The following NOL9 variants were observed in gnomAD, a reference collection of about 807,000 sequenced individuals.
NOL9 encodes polynucleotide 5'-hydroxyl-kinase NOL9.
A neutral mutation model predicts 67.9 loss-of-function variants in NOL9; 28 were observed. The observed-to-expected ratio is 0.41, with a 90% CI of 0.31 to 0.57. NOL9 has a LOEUF of 0.57. NOL9 is among the 20% of genes least tolerant of loss of function. The pLI is 0.25. For synonymous variants in NOL9, 356 were observed against 352.2 expected, an observed-to-expected ratio of 1.01 and a Z score of -0.12; for missense variants, 777 against 897.0, an observed-to-expected ratio of 0.87 and a Z score of 1.71.
intron 1 of NOL9, among the ~76,000 whole-genome samples, chr1:6,552,505 C>T (rs968212825): frequency 1.3e-5 from 2 of 152,144 alleles, no homozygotes; most frequent in Non-Finnish European, 2.9e-5. Flanking sequence ...TTACCACAAC[C>T]TCCACCTCCC....
intron 6 of NOL9, among the ~76,000 whole-genome samples, chr1:6,537,851 G>A (rs891704370): frequency 2.0e-5 from 3 of 151,752 alleles, no homozygotes; most frequent in South Asian, 2.1e-4. Flanking sequence ...GGCTGGGTGC[G>A]GTGGCTCACA....
intron 3 of NOL9, among the ~76,000 whole-genome samples, chr1:6,545,919 C>CACAAAAAAA (rs780815135): frequency 1.7e-5 from 1 of 59,662 alleles, no homozygotes; most frequent in Non-Finnish European, 3.0e-5. Flanking sequence ...GTCTGTGTCT[C>CACAAAAAAA]AAAAAAAAAA....
rs960646427 is a variant in NOL9 at position 6,526,918 on chromosome 1, T to C, written c.1826-89A>G. 2.8e-6 allele frequency: 4 copies of C among 1,430,964 alleles called. No homozygotes were observed. In the African/African-American group the frequency reaches 5.7e-5, roughly 20 times the overall value. 88.6% of individuals were successfully genotyped at this position (1,430,964 alleles called of 1,614,324 possible). A position where few individuals can be genotyped will look rare whatever the true frequency, so the allele number is the denominator to read the frequency against. On this transcript the variant is annotated intron_variant, in intron 10 of 11. Transcript: ENST00000377705. ...AGAAACTGCAGAATGGTTTTGAACATAAGTCTTTATATCAACTCTGTTTTG... is the reference window on the plus strand; with the variant it reads ...AGAAACTGCAGAATGGTTTTGAACACAAGTCTTTATATCAACTCTGTTTTG...
chr1:6,532,250 C>G (rs913358175), intron 8 of NOL9, 171 bp from the exon 9 acceptor site: 2 of 723,446 alleles, frequency 2.8e-6, no homozygotes, highest in Non-Finnish European at 4.6e-6. Context: ...TCCTTTAAGT[C>G]AAAGTTGCTG....
chr1:6,524,253 A>ATG lies in NOL9; in HGVS notation c.*1600_*1601insCA, dbSNP rs762967493. 5 of 148,894 alleles carry ATG rather than the reference A, an allele frequency of 3.4e-5. No homozygotes were observed. Among genetic ancestry groups the ATG allele is most frequent in the South Asian group, 2.1e-4 (1 of 4,782 alleles). The allele number at this position is 148,894 out of a possible 1,614,324, so 9.2% of individuals were successfully genotyped here. On this transcript the variant is annotated 3_prime_UTR_variant, in exon 12 of 12. Transcript: ENST00000377705. Reference sequence around the variant, plus strand: ...AAAGACAATGATAACCAACAGTTGTATAAGTGTATATAAGTGTTAAAACCC... The same window carrying ATG: ...AAAGACAATGATAACCAACAGTTGTATGTAAGTGTATATAAGTGTTAAAACCC...
chr1:6,545,360 C>T (rs1427491459), intron 3 of NOL9, among the ~76,000 whole-genome samples, 180 bp from the exon 4 acceptor site: 2 of 152,168 alleles, frequency 1.3e-5, no homozygotes, highest in Admixed American at 1.3e-4. Flanking sequence ...AAGTTATCCA[C>T]GTCTATTTTC....
At chr1:6,552,146 G>T (rs947088653) in intron 1 of NOL9, among the ~76,000 whole-genome samples, 1 of 152,176 alleles carries the variant, frequency 6.6e-6, no homozygotes, top group African/African-American at 2.4e-5. Context: ...GAGCCTGTGG[G>T]GGTCTGGGGA....
At chr1:6,546,975 G>A (rs1028392270) in intron 3 of NOL9, among the ~76,000 whole-genome samples, 1 of 152,138 alleles carries the variant, frequency 6.6e-6, no homozygotes, top group African/African-American at 2.4e-5. Context: ...CTGACCACCA[G>A]CAGCTTTCGC....
chr1:6,550,233 A>G (rs1001457405), intron 2 of NOL9, among the ~76,000 whole-genome samples, 163 bp downstream of exon 2: 1 of 152,076 alleles, frequency 6.6e-6, no homozygotes, highest in Non-Finnish European at 1.5e-5. Flanking sequence ...GGGTTTCACC[A>G]TCTTAGCCAG....
In NOL9 at chr1:6,522,915, C is replaced by T. The variant is rs1042172610; in HGVS notation, c.*2939G>A. On this transcript the variant is annotated 3_prime_UTR_variant, in exon 12 of 12. Transcript: ENST00000377705. ...AAAAAAAAAAAAGAAATTGCTTCAG[C>T]ACTTTGGGAGGCCGAGGCAAGCGGA... 7.2e-6 allele frequency: 1 copy of T among 138,196 alleles called. No homozygotes were observed. Among genetic ancestry groups the T allele is most frequent in the Non-Finnish European group, 1.5e-5 (1 of 65,344 alleles). 8.6% of individuals were successfully genotyped at this position (138,196 alleles called of 1,614,324 possible).
rs1396783863 is a variant in NOL9, at chr1:6,544,861, T to C, written c.942A>G (p.Thr314=). Residue 314 remains threonine, a synonymous_variant, in exon 5 of 12, where the codon ACA becomes ACG. Transcript: ENST00000377705. The stretch of plus-strand genomic sequence containing the variant: ...AATGGTTAATCAGGTATCTATTAAA[T>C]GTTGACTTTCCAACATCCTGGGATC... ...VCGSQDVGKS[T]FNRYLINHLL... 6.2e-7 allele frequency: 1 copy of C among 1,614,250 alleles called. No homozygotes were observed. The highest frequency in any genetic ancestry group is 2.2e-5 in the East Asian group (1 of 44,888).
rs139904136 is a variant in NOL9, at chr1:6,550,794, C to T, written c.397-179G>A. On this transcript the variant is annotated intron_variant, in intron 1 of 11. Coordinates refer to ENST00000377705, the MANE Select transcript of NOL9 (RefSeq NM_024654.5). ...CACCTCCCAGGTTCAAGCAATTCTC[C>T]TGCCTCACCCTCCCTAGTAGCTGGG... Among the ~76,000 whole-genome samples, 1,046 of 151,776 alleles carry T rather than the reference C, an allele frequency of 6.9e-3. 8 individuals are homozygous for T. Among genetic ancestry groups the T allele is most frequent in the African/African-American group, 0.023 (949 of 41,392 alleles).
At chr1:6,549,536 T>A (rs756222633) in intron 3 of NOL9, 35 bp downstream of exon 3, 2 of 1,608,680 alleles carry the variant, frequency 1.2e-6, no homozygotes, top group East Asian at 2.2e-5. Context: ...TTGGTGCAAG[T>A]AATTAGCAAA....
chr1:6,529,663 C>T (rs528201287), intron 9 of NOL9, among the ~76,000 whole-genome samples: 4 of 152,190 alleles, frequency 2.6e-5, no homozygotes, highest in East Asian at 3.9e-4. Flanking sequence ...CAGTGGCTCA[C>T]GCCTGTAATC....
intron 6 of NOL9, among the ~76,000 whole-genome samples, chr1:6,533,890 CT>C (rs571588894): frequency 4.7e-3 from 670 of 141,424 alleles, no homozygotes; most frequent in East Asian, 4.5e-3. Flanking sequence ...AATTTTCTTT[CT>C]TTTTTTTTTT....
intron 9 of NOL9, among the ~76,000 whole-genome samples, chr1:6,529,880 C>T (rs535341624): frequency 6.6e-6 from 1 of 152,088 alleles, no homozygotes; most frequent in South Asian, 2.1e-4. Flanking sequence ...GAACTGAGAT[C>T]GTGCCACTGC....
chr1:6,538,714 G>T (rs1326266165), intron 6 of NOL9, among the ~76,000 whole-genome samples: 1 of 151,466 alleles, frequency 6.6e-6, no homozygotes, highest in Non-Finnish European at 1.5e-5. Context: ...TGGGTGTGGT[G>T]GCTCATGCCT....
intron 6 of NOL9, among the ~76,000 whole-genome samples, chr1:6,536,863 T>C (rs1254312056): frequency 6.6e-6 from 1 of 152,080 alleles, no homozygotes; most frequent in Non-Finnish European, 1.5e-5. Flanking sequence ...TAAAACAGCA[T>C]GGCAGGATCA....
intron 6 of NOL9, among the ~76,000 whole-genome samples, chr1:6,537,673 A>G (rs1287180612): frequency 6.6e-6 from 1 of 152,216 alleles, no homozygotes; most frequent in Non-Finnish European, 1.5e-5. Context: ...CCAGGAAATA[A>G]GCCCATACAT....
Sources: gnomAD v4.1 joint callset for allele counts (sites outside exome capture counted in the v4.1 genomes callset) on GRCh38, gnomAD v4.1.1 for gene constraint, MANE v1.5 for transcripts, NCBI Gene and HGNC (gene_info 2026-07-23, HGNC 2026-07-21) for gene names.